The following CCDC60 variants were observed in gnomAD, a reference collection of about 807,000 sequenced individuals.
The protein encoded by CCDC60 is coiled-coil domain-containing protein 60.
In CCDC60, 54 loss-of-function variants were observed where a neutral mutation model predicts 63.5. The ratio of observed to expected loss-of-function variants is 0.85; its 90% CI spans 0.68 to 1.07. The LOEUF is 1.07. Among genes scored for constraint, CCDC60 ranks in the 50% least tolerant of loss-of-function variants. The pLI is 0.00. For missense variants in CCDC60, 651 were observed against 684.3 expected (o/e 0.95, Z 0.54); for synonymous variants, 206 against 238.8 (o/e 0.86, Z 1.27).
At chr12:119,380,506 T>G (rs1028198613) in intron 1 of CCDC60, among the ~76,000 whole-genome samples, 1 of 152,238 alleles carries the variant, frequency 6.6e-6, no homozygotes, top group Non-Finnish European at 1.5e-5. Context: ...ATTTTAGGTC[T>G]TCTCTTACCC....
intron 1 of CCDC60, among the ~76,000 whole-genome samples, chr12:119,354,091 C>T (rs1391677716): frequency 6.6e-6 from 1 of 151,432 alleles, no homozygotes; most frequent in Non-Finnish European, 1.5e-5. Context: ...CTCTCTCCTA[C>T]CTCTTTCCTT....
In CCDC60 at chr12:119,335,213, T is replaced by C; in HGVS notation, c.37T>C (p.Ser13Pro). ...KVPATKKLQS[S>P]PNSGAVRPFY... Reference sequence around the variant, plus strand: ...TCCAGCCACCAAGAAGCTTCAGAGTTCCCCCAACTCGGGGGCTGTCCGGCC... The same window carrying C: ...TCCAGCCACCAAGAAGCTTCAGAGTCCCCCCAACTCGGGGGCTGTCCGGCC... Residue 13 changes from serine to proline, a missense_variant, in exon 1 of 14, where the codon TCC becomes CCC. Physicochemically the swap from Ser to Pro is moderately conservative, Grantham distance 74 (BLOSUM62 -1). Coordinates refer to ENST00000327554, the MANE Select transcript of CCDC60 (RefSeq NM_178499.5). 1.9e-6 allele frequency: 3 copies of C among 1,606,388 alleles called. No homozygotes were observed. Among genetic ancestry groups the C allele is most frequent in the Non-Finnish European group, 2.5e-6 (3 of 1,176,894 alleles).
chr12:119,502,972 C>T (rs1295492398), intron 6 of CCDC60, among the ~76,000 whole-genome samples: 2 of 152,158 alleles, frequency 1.3e-5, no homozygotes, highest in East Asian at 3.9e-4. Context: ...AGTTCAAGAC[C>T]AGCCTGGGCA....
chr12:119,522,968 G>T lies in CCDC60; in HGVS notation c.1070G>T (p.Ser357Ile). 6.2e-7 allele frequency: 1 copy of T among 1,614,178 alleles called. No homozygotes were observed. Among genetic ancestry groups the T allele is most frequent in the Non-Finnish European group, 8.5e-7 (1 of 1,180,016 alleles). The change falls in exon 10 of 14, where the codon AGC becomes ATC. Residue 357 changes from serine (S) to isoleucine (I), a missense_variant. Physicochemically the swap from Ser to Ile is moderately radical, Grantham distance 142 (BLOSUM62 -2). Transcript: ENST00000327554. Reference protein sequence around the residue: ...SERSSSTSAESHIQPVQKKSK... With the variant: ...SERSSSTSAEIHIQPVQKKSK... Reference sequence around the variant, plus strand: ...AGATCCAGCAGTACAAGTGCAGAAAGCCACATCCAACCAGTCCAGAAGAAG... The same window carrying T: ...AGATCCAGCAGTACAAGTGCAGAAATCCACATCCAACCAGTCCAGAAGAAG...
At chr12:119,418,725 G>T (rs1383788121) in intron 1 of CCDC60, among the ~76,000 whole-genome samples, 2 of 152,000 alleles carry the variant, frequency 1.3e-5, no homozygotes, top group East Asian at 3.9e-4. Flanking sequence ...CTAACATAAA[G>T]TTCATGTGCA....
rs550779152 is a variant in CCDC60 at position 119,515,095 on chromosome 12, A to C, written c.884-1528A>C. 5.3e-5 allele frequency among the ~76,000 whole-genome samples: 8 copies of C among 152,268 alleles called. No individual in the cohort carries two copies. The South Asian group carries it at 1.7e-3, about 32-fold the overall frequency. On this transcript the variant is annotated intron_variant, in intron 7 of 13. Transcript: ENST00000327554. ...TAGGTTTGTGGGAGTGCACTCTATA[A>C]TGTTCACACAATGACAAAATCGCCT...
rs542161335 is a variant in CCDC60, at chr12:119,376,376, G to A, written c.90+41110G>A. 8.4e-4 allele frequency among the ~76,000 whole-genome samples: 128 copies of A among 152,228 alleles called. 2 individuals carry two copies. Among genetic ancestry groups the A allele is most frequent in the African/African-American group, 3.0e-3 (124 of 41,530 alleles). On this transcript the variant is annotated intron_variant, in intron 1 of 13. Transcript: ENST00000327554. ...AGGGCAGTGGCTCATGCCTGTAATC[G>A]CAGCACTTTGGGAAGCTGAGGCGGG...
intron 1 of CCDC60, among the ~76,000 whole-genome samples, chr12:119,351,993 C>T (rs1021017504): frequency 6.6e-6 from 1 of 152,152 alleles, no homozygotes; most frequent in African/African-American, 2.4e-5. Flanking sequence ...TAAAGAACTA[C>T]CTGAGATTAA....
At chr12:119,355,406 T>C (rs1439506816) in intron 1 of CCDC60, among the ~76,000 whole-genome samples, 1 of 152,244 alleles carries the variant, frequency 6.6e-6, no homozygotes, top group Non-Finnish European at 1.5e-5. Context: ...GCCTTCATCA[T>C]GCAACTGCTG....
rs577659319 is a variant in CCDC60, at chr12:119,468,308, T to A, written c.171-3686T>A. Among the ~76,000 whole-genome samples, 207 of 150,756 alleles carry A rather than the reference T, an allele frequency of 1.4e-3. 1 individual carries two copies. The highest frequency in any genetic ancestry group is 3.4e-3 in the African/African-American group (140 of 40,626). ...CGCTGTCTTAAAAAATAAAAATTTT[T>A]TAAAAAAAAGCCAGGCAAAAGCACC... On this transcript the variant is annotated intron_variant, in intron 2 of 13. Transcript: ENST00000327554.
Position 119,464,805 on chromosome 12 carries a change from G to T in CCDC60, c.171-7189G>T, listed in dbSNP as rs541251710. ...AGGTCACTCCGATCCAATGTATTAT[G>T]TCTTGCTCTTGCAACCCAACTCTGG... On this transcript the variant is annotated intron_variant, in intron 2 of 13. Coordinates refer to ENST00000327554, the MANE Select transcript of CCDC60 (RefSeq NM_178499.5). 3.3e-5 allele frequency among the ~76,000 whole-genome samples: 5 copies of T among 152,312 alleles called. No homozygotes were observed. In the East Asian group the frequency reaches 9.7e-4, roughly 29 times the overall value.
At chr12:119,503,752 G>C in intron 6 of CCDC60, among the ~76,000 whole-genome samples, 1 of 152,086 alleles carries the variant, frequency 6.6e-6, no homozygotes, top group Non-Finnish European at 1.5e-5. Flanking sequence ...TCAAAATATT[G>C]CTTCTGATCA....
At chr12:119,493,913 C>T (rs1191312318) in intron 5 of CCDC60, among the ~76,000 whole-genome samples, 1 of 152,034 alleles carries the variant, frequency 6.6e-6, no homozygotes, top group Admixed American at 6.6e-5. Context: ...ATCACACTCC[C>T]AGAGGGGCCT....
At chr12:119,375,416 A>G (rs1955941439) in intron 1 of CCDC60, among the ~76,000 whole-genome samples, 1 of 152,164 alleles carries the variant, frequency 6.6e-6, no homozygotes, top group Non-Finnish European at 1.5e-5. Flanking sequence ...CTCTCATGCA[A>G]TCACCCTCAC....
In CCDC60 at chr12:119,505,064, T is replaced by A. The variant is rs1350163761; in HGVS notation, c.649-5T>A. On this transcript the variant is annotated splice_polypyrimidine_tract_variant and splice_region_variant and intron_variant, in intron 6 of 13. Coordinates refer to ENST00000327554, the MANE Select transcript of CCDC60 (RefSeq NM_178499.5). ...TGAAACCTCTCTTTCTTCTCTTTCC[T>A]TTAGACCAAGAAATTCAAAATTCCC... is the stretch of plus-strand genomic sequence containing the variant. 6.3e-7 allele frequency: 1 copy of A among 1,595,654 alleles called. No individual in the cohort carries two copies. Among genetic ancestry groups the A allele is most frequent in the Non-Finnish European group, 8.6e-7 (1 of 1,167,380 alleles).
intron 1 of CCDC60, among the ~76,000 whole-genome samples, chr12:119,354,807 T>A (rs1955699688): frequency 6.6e-6 from 1 of 152,232 alleles, no homozygotes; most frequent in Admixed American, 6.5e-5. Flanking sequence ...CTTTATGTTC[T>A]AGTAGCAGTA....
chr12:119,391,542 T>C (rs930651544), intron 1 of CCDC60, among the ~76,000 whole-genome samples: 2 of 152,258 alleles, frequency 1.3e-5, no homozygotes, highest in African/African-American at 4.8e-5. Flanking sequence ...TTTCTGCCTC[T>C]GCACAATGAC....
chr12:119,496,627 C>T (rs1229357906), intron 5 of CCDC60, among the ~76,000 whole-genome samples: 2 of 152,186 alleles, frequency 1.3e-5, no homozygotes, highest in East Asian at 1.9e-4. Flanking sequence ...CCATGAAGCC[C>T]TTAATAAGCC....
chr12:119,488,749 G>T lies in CCDC60; in HGVS notation c.450-10G>T. The T allele has an allele frequency of 3.1e-6, 5 of 1,613,320 alleles. No individual in the cohort carries two copies. Among genetic ancestry groups the T allele is most frequent in the Non-Finnish European group, 4.2e-6 (5 of 1,179,258 alleles). The stretch of plus-strand genomic sequence containing the variant: ...GGATCCCACTGTGTTCCCTCTCTCT[G>T]TCTTTGCAGCGAGCCCCTCTTCCGC... On this transcript the variant is annotated splice_polypyrimidine_tract_variant and intron_variant, in intron 4 of 13. Transcript: ENST00000327554.
Sources: allele counts gnomAD v4.1 joint callset (sites outside exome capture counted in the v4.1 genomes callset), GRCh38; gene constraint gnomAD v4.1.1; transcripts MANE v1.5; gene names NCBI Gene and HGNC (gene_info 2026-07-23, HGNC 2026-07-21).